L3MBTL4: variants seen among roughly 807,000 people sequenced by gnomAD.
The protein encoded by L3MBTL4 is L3MBTL histone methyl-lysine binding protein 4, also known as lethal(3)malignant brain tumor-like protein 4.
L3MBTL4 carries 70 observed loss-of-function variants against 84.5 expected under a neutral mutation model. That is an observed-to-expected ratio of 0.83 (90% CI 0.68 to 1.01). The LOEUF is 1.01. Ranked by LOEUF, L3MBTL4 falls within the 50% of genes least tolerant of loss-of-function variation. The pLI is 0.00. For missense variants in L3MBTL4, 715 were observed against 754.8 expected (o/e 0.95, Z 0.62); for synonymous variants, 274 against 259.8 (o/e 1.05, Z -0.52).
At chr18:6,255,869 C>A (rs1471194637) in intron 5 of L3MBTL4, among the ~76,000 whole-genome samples, 1 of 151,576 alleles carries the variant, frequency 6.6e-6, no homozygotes, top group African/African-American at 2.4e-5. Flanking sequence ...TGGTTCCAAG[C>A]ATATCAGAAT....
At chr18:6,034,244 CCACT>C (rs1163810189) in intron 16 of L3MBTL4, among the ~76,000 whole-genome samples, 2 of 152,020 alleles carry the variant, frequency 1.3e-5, no homozygotes, top group African/African-American at 2.4e-5. Context: ...TGCGCTGCAC[CCACT>C]AACTCGTCAT....
intron 5 of L3MBTL4, among the ~76,000 whole-genome samples, chr18:6,250,239 C>A (rs1332759345): frequency 6.6e-6 from 1 of 152,068 alleles, no homozygotes; most frequent in Non-Finnish European, 1.5e-5. Context: ...AAATTATATA[C>A]TATTATTTAA....
Position 5,996,628 on chromosome 18 carries a change from T to C in L3MBTL4, c.1445-27066A>G, listed in dbSNP as rs1168482521. Among the ~76,000 whole-genome samples the C allele has an allele frequency of 2.0e-5, 3 of 152,016 alleles. No individual in the cohort carries two copies. The East Asian group carries it at 5.8e-4, about 29-fold the overall frequency. On this transcript the variant is annotated intron_variant, in intron 16 of 18. Transcript: ENST00000317931. ...CATGAAGCTCAGAGAAGCTTTTCCG[T>C]GGGAAAAGACTGGGCCTGACCACAC...
chr18:6,265,180 A>G (rs1037274791), intron 4 of L3MBTL4, among the ~76,000 whole-genome samples: 9 of 152,258 alleles, frequency 5.9e-5, no homozygotes, highest in Admixed American at 6.5e-5. Flanking sequence ...CATAAATCAA[A>G]AACATTCAAA....
intron 1 of L3MBTL4, among the ~76,000 whole-genome samples, chr18:6,361,459 G>A (rs146851602): frequency 3.2e-4 from 48 of 152,188 alleles, no homozygotes; most frequent in African/African-American, 1.1e-3. Flanking sequence ...CAGATCCAGG[G>A]GTGGCCTCCA....
chr18:6,251,185 T>C (rs985676787), intron 5 of L3MBTL4, among the ~76,000 whole-genome samples: 3 of 152,206 alleles, frequency 2.0e-5, no homozygotes, highest in Non-Finnish European at 4.4e-5. Flanking sequence ...TTCGCTAAAA[T>C]AGGGAGCATC....
At chr18:6,388,911 G>C (rs2054933212) in intron 1 of L3MBTL4, among the ~76,000 whole-genome samples, 1 of 152,136 alleles carries the variant, frequency 6.6e-6, no homozygotes, top group Non-Finnish European at 1.5e-5. Context: ...AAAAGAGAAG[G>C]AGGAGCAGAG....
At chr18:6,271,136 T>C (rs763853518) in intron 4 of L3MBTL4, among the ~76,000 whole-genome samples, 5 of 152,196 alleles carry the variant, frequency 3.3e-5, no homozygotes, top group Non-Finnish European at 5.9e-5. Context: ...TGTTTTTCGT[T>C]TGTTTTTGTT....
chr18:6,196,315 G>A (rs377208741), intron 12 of L3MBTL4, among the ~76,000 whole-genome samples: 13 of 151,962 alleles, frequency 8.6e-5, no homozygotes, highest in South Asian at 2.1e-4. Context: ...CCGCCACCAC[G>A]CCCGTCTAAT....
chr18:6,111,456 A>C (rs1182738702), intron 14 of L3MBTL4, among the ~76,000 whole-genome samples: 1 of 152,204 alleles, frequency 6.6e-6, no homozygotes, highest in Non-Finnish European at 1.5e-5. Flanking sequence ...TATGCAGAGC[A>C]ATGCTGCTCT....
At chr18:6,330,326 G>A (rs1010486636) in intron 1 of L3MBTL4, among the ~76,000 whole-genome samples, 1 of 152,142 alleles carries the variant, frequency 6.6e-6, no homozygotes, top group African/African-American at 2.4e-5. Flanking sequence ...GATCCCACTA[G>A]GCTAAAAATC....
At chr18:6,200,859 G>T (rs2045619761) in intron 12 of L3MBTL4, among the ~76,000 whole-genome samples, 1 of 152,152 alleles carries the variant, frequency 6.6e-6, no homozygotes, top group South Asian at 2.1e-4. Flanking sequence ...AAATATGTAG[G>T]GAGTGTTTAG....
intron 14 of L3MBTL4, among the ~76,000 whole-genome samples, chr18:6,133,319 GT>G (rs1465559739): frequency 6.7e-6 from 1 of 148,914 alleles, no homozygotes; most frequent in African/African-American, 2.6e-5. Context: ...CATAGTGGGT[GT>G]TACAGCTCTA....
intron 13 of L3MBTL4, among the ~76,000 whole-genome samples, chr18:6,160,647 C>T (rs1009746893): frequency 1.5e-4 from 23 of 149,910 alleles, no homozygotes; most frequent in African/African-American, 5.7e-4. Context: ...AGGAGAATCA[C>T]TTGAACTTGG....
At chr18:6,221,248 A>G (rs555419149) in intron 10 of L3MBTL4, among the ~76,000 whole-genome samples, 96 of 152,296 alleles carry the variant, frequency 6.3e-4, no homozygotes, top group Non-Finnish European at 1.2e-3. Flanking sequence ...GGAACTAGAG[A>G]AGCAGAACAA....
chr18:6,404,348 A>G (rs12961587), intron 1 of L3MBTL4, among the ~76,000 whole-genome samples: 61,833 of 152,042 alleles, frequency 0.41, 13,169 homozygotes, highest in East Asian at 0.58. Context: ...CAACAAACAA[A>G]TGAAAAAAGA....
At chr18:6,181,203 TTAGG>T (rs1336672783) in intron 12 of L3MBTL4, among the ~76,000 whole-genome samples, 2 of 152,088 alleles carry the variant, frequency 1.3e-5, no homozygotes, top group Admixed American at 1.3e-4. Flanking sequence ...AACTTTTATA[TTAGG>T]TTCAAGGGTA....
At chr18:6,216,376 CTT>C (rs1286245666) in intron 10 of L3MBTL4, among the ~76,000 whole-genome samples, 4 of 152,034 alleles carry the variant, frequency 2.6e-5, no homozygotes, top group African/African-American at 7.2e-5. Context: ...AAATTTCCTT[CTT>C]GTTTCTCTTT....
At chr18:5,969,286 G>C (rs2052511844) in intron 17 of L3MBTL4, 107 bp downstream of exon 17, 2 of 1,273,960 alleles carry the variant, frequency 1.6e-6, no homozygotes, top group Middle Eastern at 2.2e-4. Flanking sequence ...ATGCCTAAGA[G>C]AAAAAGGGCG....
Sources: allele counts gnomAD v4.1 joint callset (sites outside exome capture counted in the v4.1 genomes callset), GRCh38; gene constraint gnomAD v4.1.1; transcripts MANE v1.5; gene names NCBI Gene and HGNC (gene_info 2026-07-23, HGNC 2026-07-21).